The following C10orf143 variants were observed in gnomAD, a reference collection of about 807,000 sequenced individuals.
C10orf143 encodes the protein chromosome 10 open reading frame 143, also known as uncharacterized protein C10orf143.
intron 1 of C10orf143, among the ~76,000 whole-genome samples, chr10:130,081,118 G>T (rs1053990425): frequency 6.6e-6 from 1 of 152,134 alleles, no homozygotes; most frequent in Admixed American, 6.5e-5. Flanking sequence ...AAGTGATTCT[G>T]AAAGGCTAAA....
At chr10:130,050,465 A>C (rs989869489) in intron 3 of C10orf143, among the ~76,000 whole-genome samples, 8 of 152,224 alleles carry the variant, frequency 5.3e-5, no homozygotes, top group Admixed American at 1.3e-4. Context: ...TCAAAGCTGC[A>C]GTGAGCCCTG....
At chr10:130,061,084 C>T (rs1860852671), downstream of C10orf143, among the ~76,000 whole-genome samples, 1 of 152,136 alleles carries the variant, frequency 6.6e-6, no homozygotes, top group Non-Finnish European at 1.5e-5. Flanking sequence ...CTGCAGTGAG[C>T]CGTGCTTGCA....
At chr10:130,110,472 C>T (rs1311573755) in intron 1 of C10orf143, among the ~76,000 whole-genome samples, 2 of 152,270 alleles carry the variant, frequency 1.3e-5, no homozygotes, top group Non-Finnish European at 2.9e-5. Flanking sequence ...GGTGCCCGAG[C>T]TCCGCGCCCG....
At chr10:130,109,195 G>C (rs566613041) in intron 1 of C10orf143, among the ~76,000 whole-genome samples, 19 of 152,270 alleles carry the variant, frequency 1.2e-4, no homozygotes, top group African/African-American at 4.3e-4. Context: ...TTGCCTCCCT[G>C]CCTGCACCCT....
rs562565883 is a variant in C10orf143, at chr10:130,065,337, G to T, written c.298-954C>A. 1 of 152,392 alleles carries T rather than the reference G, an allele frequency of 6.6e-6. No individual in the cohort carries two copies. The highest frequency in any genetic ancestry group is 1.9e-4 in the East Asian group (1 of 5,180). 9.4% of individuals were successfully genotyped at this position (152,392 alleles called of 1,614,324 possible). Reference sequence around the variant, plus strand: ...GGAAGACAGCACGTGACCCTACCTGGTGAGGGGCCTGAAGAAGGCTTCACA... The same window carrying T: ...GGAAGACAGCACGTGACCCTACCTGTTGAGGGGCCTGAAGAAGGCTTCACA... On this transcript the variant is annotated intron_variant, in intron 3 of 3. Coordinates refer to ENST00000637128, the MANE Select transcript of C10orf143 (RefSeq NM_001355042.2). This position sits in a 1 kb window ranked among gnomAD's most constrained non-coding sequence, Gnocchi z 4.2.
Position 130,074,083 on chromosome 10 carries a change from C to T in C10orf143, c.297+5483G>A, listed in dbSNP as rs537778453. 5.6e-4 allele frequency among the ~76,000 whole-genome samples: 85 copies of T among 152,270 alleles called. 1 individual carries two copies. On this transcript the variant is annotated intron_variant, in intron 3 of 3. Coordinates refer to ENST00000637128, the MANE Select transcript of C10orf143 (RefSeq NM_001355042.2). ...ACTGCCACAGTTCTCATAGGGTGTT[C>T]GAGCCTGACGCTGGGCCGCCAGTCT...
intron 1 of C10orf143, chr10:130,108,318 C>T (rs763670599): frequency 2.4e-5 from 37 of 1,534,576 alleles, no homozygotes; most frequent in Middle Eastern, 1.7e-4. Context: ...AGGGGTTTTC[C>T]TCCTTACCCT....
intron 3 of C10orf143, among the ~76,000 whole-genome samples, chr10:130,037,620 G>A (rs945696092): frequency 3.3e-5 from 5 of 152,190 alleles, no homozygotes; most frequent in South Asian, 2.1e-4. Context: ...GTAGCTCAGC[G>A]CCACTGAGGC....
chr10:130,084,186 C>T (rs985382526), intron 1 of C10orf143, among the ~76,000 whole-genome samples: 27 of 152,044 alleles, frequency 1.8e-4, no homozygotes, highest in African/African-American at 6.0e-4. Flanking sequence ...TGGTGGCAGG[C>T]ACCTGTAGTC....
chr10:130,077,946 T>C (rs185668511), intron 3 of C10orf143, among the ~76,000 whole-genome samples: 39 of 152,336 alleles, frequency 2.6e-4, no homozygotes, highest in African/African-American at 9.1e-4. Context: ...TGAAATTTTA[T>C]TGAGAATAAC....
intron 1 of C10orf143, among the ~76,000 whole-genome samples, chr10:130,096,824 C>T (rs1475782038): frequency 4.5e-5 from 6 of 134,592 alleles, no homozygotes; most frequent in Admixed American, 8.2e-5. Context: ...ACATTCTGCA[C>T]ATGTATCCCA....
intron 3 of C10orf143, among the ~76,000 whole-genome samples, chr10:130,036,864 G>A (rs187253783): frequency 3.3e-5 from 5 of 151,976 alleles, no homozygotes; most frequent in East Asian, 2.0e-4. Context: ...GTCCTGGAGC[G>A]CCCAGCATCC....
chr10:130,037,834 G>C (rs1451233932), intron 3 of C10orf143, among the ~76,000 whole-genome samples: 2 of 152,018 alleles, frequency 1.3e-5, no homozygotes, highest in Non-Finnish European at 2.9e-5. Flanking sequence ...AAATATGAGG[G>C]GAAGACCCTT....
intron 3 of C10orf143, among the ~76,000 whole-genome samples, chr10:130,053,581 G>A (rs942119274): frequency 3.3e-5 from 5 of 152,254 alleles, no homozygotes; most frequent in Admixed American, 2.0e-4. Context: ...TATTTCCACC[G>A]GTGTCAGGAG....
intron 3 of C10orf143, among the ~76,000 whole-genome samples, chr10:130,040,275 C>G (rs1318046004): frequency 6.6e-6 from 1 of 152,138 alleles, no homozygotes; most frequent in Non-Finnish European, 1.5e-5. Context: ...GAAAGAGCAC[C>G]GAGGACCATA....
intron 1 of C10orf143, among the ~76,000 whole-genome samples, chr10:130,100,484 A>T (rs537554246): frequency 2.6e-5 from 4 of 152,238 alleles, no homozygotes; most frequent in African/African-American, 7.2e-5. Flanking sequence ...GAGCTACTGC[A>T]CTCCAGCCTG....
chr10:130,102,058 A>G (rs556629379), intron 1 of C10orf143, among the ~76,000 whole-genome samples: 2 of 152,130 alleles, frequency 1.3e-5, no homozygotes, highest in African/African-American at 4.8e-5. Context: ...GCTTGAGCCC[A>G]GGAGTTTGAG....
At chr10:130,103,553 T>G (rs1418406937) in intron 1 of C10orf143, among the ~76,000 whole-genome samples, 2 of 152,056 alleles carry the variant, frequency 1.3e-5, no homozygotes, top group African/African-American at 4.8e-5. Flanking sequence ...ATGCCTGTAA[T>G]CCCAGAATTT....
chr10:130,077,626 G>A (rs542892779), intron 3 of C10orf143, among the ~76,000 whole-genome samples: 320 of 152,358 alleles, frequency 2.1e-3, no homozygotes, highest in Admixed American at 5.1e-3. Context: ...AAAGTCTTCT[G>A]AAATTTGGAA....
Sources: allele counts gnomAD v4.1 joint callset (sites outside exome capture counted in the v4.1 genomes callset), GRCh38; gene constraint gnomAD v4.1.1; non-coding constraint Gnocchi (gnomAD v3.1); transcripts MANE v1.5; gene names NCBI Gene and HGNC (gene_info 2026-07-23, HGNC 2026-07-21).